The following PLA2G5 variants were observed in gnomAD, a reference collection of about 807,000 sequenced individuals.
PLA2G5 encodes the protein phospholipase A2 group V.
A neutral mutation model predicts 15.9 loss-of-function variants in PLA2G5; 12 were observed. The observed-to-expected ratio is 0.76, with a 90% CI of 0.48 to 1.23. PLA2G5 has a LOEUF of 1.23. PLA2G5 is among the 50% of genes most tolerant of loss of function. The pLI, the probability that PLA2G5 is intolerant of heterozygous loss-of-function variation, is 0.00. For synonymous variants in PLA2G5, 71 were observed against 71.4 expected (o/e 0.99, Z 0.03); for missense variants, 169 against 177.1 (o/e 0.95, Z 0.26).
chr1:20,030,249 A>AC (rs1213756791), intron 1 of PLA2G5, among the ~76,000 whole-genome samples: 2 of 151,976 alleles, frequency 1.3e-5, no homozygotes, highest in African/African-American at 4.8e-5. Flanking sequence ...ATGTGGCAGG[A>AC]CTATAGGGTA....
At chr1:20,044,266 T>C (rs1051952687) in intron 1 of PLA2G5, among the ~76,000 whole-genome samples, 4 of 152,178 alleles carry the variant, frequency 2.6e-5, no homozygotes, top group African/African-American at 7.2e-5. Flanking sequence ...GGGTTTTTTC[T>C]CACAGCAGAG....
intron 1 of PLA2G5, among the ~76,000 whole-genome samples, chr1:20,039,502 T>C (rs1383594717): frequency 1.3e-5 from 2 of 152,196 alleles, no homozygotes; most frequent in African/African-American, 4.8e-5. Flanking sequence ...AGAATCAATG[T>C]CAGTAAAACT....
Position 20,089,846 on chromosome 1 carries a change from T to G in PLA2G5, c.243T>G (p.Ile81Met). Reference protein sequence around the residue: ...YGRLEEKGCNIRTQSYKYRFA... With the variant: ...YGRLEEKGCNMRTQSYKYRFA... ...GGCTGGAGGAGAAGGGCTGCAACAT[T>G]CGCACACAGTCCTACAAATACAGAT... Residue 81 changes from isoleucine (I) to methionine (M), a missense_variant, in exon 4 of 5, where the codon ATT becomes ATG. By Grantham distance (10) the Ile-to-Met change is conservative. Coordinates refer to ENST00000375108, the MANE Select transcript of PLA2G5 (RefSeq NM_000929.3). 6.2e-7 allele frequency: 1 copy of G among 1,614,072 alleles called. No homozygotes were observed. The highest frequency in any genetic ancestry group is 8.5e-7 in the Non-Finnish European group (1 of 1,179,980).
intron 2 of PLA2G5, among the ~76,000 whole-genome samples, chr1:20,065,062 A>C (rs2100494252): frequency 6.6e-6 from 1 of 152,298 alleles, no homozygotes; most frequent in Non-Finnish European, 1.5e-5. Flanking sequence ...TTGTAATGAG[A>C]ATGCACGCAA....
At chr1:20,038,704 A>T (rs1029736831) in intron 1 of PLA2G5, among the ~76,000 whole-genome samples, 8 of 152,202 alleles carry the variant, frequency 5.3e-5, no homozygotes, top group African/African-American at 1.7e-4. Flanking sequence ...ACTTGTGCCC[A>T]GGAGTTTGAA....
At chr1:20,046,226 C>A (rs149195106) in intron 1 of PLA2G5, 23 of 152,250 alleles carry the variant, frequency 1.5e-4, no homozygotes, top group African/African-American at 5.5e-4. Context: ...GAGTGCTCAG[C>A]GATCATATTG....
intron 1 of PLA2G5, among the ~76,000 whole-genome samples, chr1:20,076,127 T>C (rs1214599302): frequency 6.6e-6 from 1 of 152,114 alleles, no homozygotes; most frequent in Non-Finnish European, 1.5e-5. Context: ...TGCCTCGGGC[T>C]CCCAAAGTGC....
intron 1 of PLA2G5, among the ~76,000 whole-genome samples, chr1:20,047,106 C>T (rs1445693526): frequency 6.6e-6 from 1 of 152,072 alleles, no homozygotes; most frequent in Non-Finnish European, 1.5e-5. Flanking sequence ...TTGCAGCAGC[C>T]CTGCAGGGAA....
chr1:20,039,740 GTATC>G (rs2013481360), intron 1 of PLA2G5, among the ~76,000 whole-genome samples: 1 of 152,110 alleles, frequency 6.6e-6, no homozygotes, highest in South Asian at 2.1e-4. Flanking sequence ...TACTGACTGT[GTATC>G]TGTGTATATT....
intron 2 of PLA2G5, among the ~76,000 whole-genome samples, chr1:20,061,338 G>A (rs557546527): frequency 3.9e-4 from 59 of 152,064 alleles, no homozygotes; most frequent in African/African-American, 1.3e-3. Context: ...TAATCCCAGC[G>A]CTTTGGGAGG....
intron 1 of PLA2G5, among the ~76,000 whole-genome samples, chr1:20,047,539 G>C (rs959614788): frequency 6.6e-6 from 1 of 152,098 alleles, no homozygotes; most frequent in Admixed American, 6.6e-5. Flanking sequence ...AACCTGCAAA[G>C]TATAGAGTTC....
intron 1 of PLA2G5, among the ~76,000 whole-genome samples, chr1:20,049,335 G>C (rs1420367369): frequency 6.6e-6 from 1 of 152,170 alleles, no homozygotes; most frequent in Non-Finnish European, 1.5e-5. Context: ...TCTTTCTAGA[G>C]ACTGAGCTTG....
chr1:20,030,629 TC>T (rs2012869232), intron 1 of PLA2G5, among the ~76,000 whole-genome samples: 2 of 151,990 alleles, frequency 1.3e-5, no homozygotes, highest in Non-Finnish European at 2.9e-5. Flanking sequence ...GTCAGGTCTT[TC>T]CCTTCCCATG....
At chr1:20,088,345 A>G (rs1026103232) in intron 3 of PLA2G5, among the ~76,000 whole-genome samples, 10 of 151,390 alleles carry the variant, frequency 6.6e-5, no homozygotes, top group Non-Finnish European at 1.5e-4. Context: ...GGGCGATGAG[A>G]GTGAAACTCC....
rs530933974 is a variant in PLA2G5, at chr1:20,091,515, C to T, written c.*823C>T. ...TTACTGAACCTCTTTGACTTTCAGTCTCTTTGAGAAATAAACTGTCTTGTT... is the reference window on the plus strand; with the variant it reads ...TTACTGAACCTCTTTGACTTTCAGTTTCTTTGAGAAATAAACTGTCTTGTT... On this transcript the variant is annotated 3_prime_UTR_variant, in exon 5 of 5. Transcript: ENST00000375108. Among the ~76,000 whole-genome samples the T allele has an allele frequency of 6.6e-6, 1 of 152,090 alleles. No individual in the cohort carries two copies. The highest frequency in any genetic ancestry group is 1.5e-5 in the Non-Finnish European group (1 of 68,026).
intron 1 of PLA2G5, among the ~76,000 whole-genome samples, chr1:20,081,111 T>C (rs1170039595): frequency 6.6e-6 from 1 of 151,812 alleles, no homozygotes; most frequent in African/African-American, 2.4e-5. Context: ...CACATCTTCC[T>C]ATGGGCTGTC....
In PLA2G5 at chr1:20,086,122, C is replaced by T. The variant is rs1198697466; in HGVS notation, c.80C>T (p.Ser27Leu). The change falls in exon 3 of 5, where the codon TCA becomes TTA. Residue 27 changes from serine to leucine, a missense_variant. Coordinates refer to ENST00000375108, the MANE Select transcript of PLA2G5 (RefSeq NM_000929.3). ...CAAGGAGGCTTGCTGGACCTAAAAT[C>T]AATGATCGAGAAGGTGACAGGGAAG... ...AVQGGLLDLK[S>L]MIEKVTGKNA... 1 of 1,613,972 alleles carries T rather than the reference C, an allele frequency of 6.2e-7. No individual in the cohort carries two copies. The highest frequency in any genetic ancestry group is 8.5e-7 in the Non-Finnish European group (1 of 1,180,014).
intron 1 of PLA2G5, among the ~76,000 whole-genome samples, chr1:20,082,906 C>T (rs1157168802): frequency 2.6e-5 from 4 of 152,004 alleles, no homozygotes; most frequent in African/African-American, 9.7e-5. Context: ...GGGGACCTCA[C>T]TTCAATTGTC....
chr1:20,090,077 G>T (rs1357839581), intron 4 of PLA2G5, among the ~76,000 whole-genome samples, 182 bp downstream of exon 4: 3 of 152,182 alleles, frequency 2.0e-5, no homozygotes, highest in Non-Finnish European at 4.4e-5. Context: ...ATCATCCACT[G>T]GGTGCAAAAG....
Sources: gnomAD v4.1 joint callset for allele counts (sites outside exome capture counted in the v4.1 genomes callset) on GRCh38, gnomAD v4.1.1 for gene constraint, MANE v1.5 for transcripts, NCBI Gene and HGNC (gene_info 2026-07-23, HGNC 2026-07-21) for gene names.